Variants in RNF31 observed in about 807,000 individuals in gnomAD.
RNF31 encodes ring finger protein 31.
RNF31 carries 38 observed loss-of-function variants against 133.6 expected under a neutral mutation model. That is an observed-to-expected ratio of 0.28 (90% CI 0.22 to 0.37). The LOEUF is 0.37. RNF31 is among the 10% of genes least tolerant of loss of function. The pLI, the probability that RNF31 is intolerant of heterozygous loss-of-function variation, is 1.00. For missense variants in RNF31, 1,118 were observed against 1,394.1 expected (o/e 0.80, Z 3.15); for synonymous variants, 582 against 552.3 (o/e 1.05, Z -0.75).
chr14:24,149,460 G>T lies in RNF31; in HGVS notation c.686G>T (p.Cys229Phe). ...GGTTCTGCCCCAGGCACACTGCACT[G>T]CCCATCCTGTAAACAGGCCCTGTGT... The part of the protein sequence containing the change: ...LCGSAPGTLH[C>F]PSCKQALCPA... Residue 229 changes from cysteine to phenylalanine, a missense_variant, in exon 6 of 21, where the codon TGC becomes TTC. Physicochemically the swap from Cys to Phe is radical, Grantham distance 205. Around this residue, in one of 3 missense-constraint regions of RNF31, gnomAD observed 747 missense variants for 827.9 expected, o/e 0.90. Coordinates refer to ENST00000324103, the MANE Select transcript of RNF31 (RefSeq NM_017999.5). 6.2e-7 allele frequency: 1 copy of T among 1,614,134 alleles called. No individual in the cohort carries two copies.
chr14:24,147,980 G>A lies in RNF31; in HGVS notation c.197G>A (p.Arg66Gln), dbSNP rs2038196999. The A allele has an allele frequency of 1.2e-6, 2 of 1,613,922 alleles. No individual in the cohort carries two copies. The highest frequency in any genetic ancestry group is 1.7e-6 in the Non-Finnish European group (2 of 1,180,046). ...CTCTGCTCTCCTTGCTCCCAGCCCC[G>A]AAACTACCTCAACACCCTGTCCACG... ...LVRCNAHGEPRNYLNTLSTAL... is the reference protein window; with the variant it reads ...LVRCNAHGEPQNYLNTLSTAL... Residue 66 changes from arginine (R) to glutamine (Q), a missense_variant, in exon 2 of 21, where the codon CGA becomes CAA. Around this residue, in one of 3 missense-constraint regions of RNF31, gnomAD observed 747 missense variants for 827.9 expected, o/e 0.90. Transcript: ENST00000324103.
chr14:24,148,911 AG>A, intron 5 of RNF31, 35 bp downstream of exon 5: 1 of 1,560,686 alleles, frequency 6.4e-7, no homozygotes, highest in South Asian at 1.1e-5. Context: ...CCAGGTAGGA[AG>A]CTATATTGAT....
intron 5 of RNF31, chr14:24,149,124 C>T (rs1173403457): frequency 2.4e-5 from 14 of 592,706 alleles, no homozygotes; most frequent in South Asian, 4.1e-5. Flanking sequence ...CCACCGCGCT[C>T]GGCTAATTTT....
chr14:24,157,488 C>T (rs2038361159), intron 15 of RNF31, 32 bp from the exon 16 acceptor site: 2 of 1,607,406 alleles, frequency 1.2e-6, no homozygotes, highest in African/African-American at 1.3e-5. Context: ...GTTGCAGCGG[C>T]AGCTCCAGCC....
In RNF31 at chr14:24,148,127, A is replaced by G. The variant is rs1442423713; in HGVS notation, c.339+5A>G. 6.2e-7 allele frequency: 1 copy of G among 1,614,048 alleles called. No homozygotes were observed. Among genetic ancestry groups the G allele is most frequent in the African/African-American group, 1.3e-5 (1 of 74,930 alleles). ...AGCACGGTGGATGCTGTGCAGGTGA[A>G]TCCCCTGGCCTTATGGGAGAGGGGG... On this transcript the variant is annotated splice_donor_5th_base_variant and intron_variant, in intron 2 of 20. Transcript: ENST00000324103.
intron 18 of RNF31, chr14:24,158,475 ATTAG>A: frequency 2.0e-6 from 1 of 511,792 alleles, no homozygotes; most frequent in South Asian, 2.6e-5. Flanking sequence ...TAATTAATTA[ATTAG>A]TTCAATGAGT....
Position 24,151,153 on chromosome 14 carries a change from G to C in RNF31, c.1511G>C (p.Cys504Ser). 6.2e-7 allele frequency: 1 copy of C among 1,614,112 alleles called. No individual in the cohort carries two copies. The highest frequency in any genetic ancestry group is 1.1e-5 in the South Asian group (1 of 91,088). The change falls in exon 9 of 21, where the codon TGT (cysteine) becomes TCT (serine). Residue 504 changes from cysteine to serine, a missense_variant. Transcript: ENST00000324103. This position sits in a 1 kb window ranked among gnomAD's most constrained non-coding sequence, Gnocchi z 5.3. The stretch of plus-strand genomic sequence containing the variant: ...TAGGAAGGGGAAGCCGCAGGTGCCT[G>C]TCCAGAGGAGATCTTCTCGGCTCTG... ...MIREGEAAGACPEEIFSALQY... is the reference protein window; with the variant it reads ...MIREGEAAGASPEEIFSALQY...
chr14:24,156,281 T>TA (rs1430695733), intron 14 of RNF31, among the ~76,000 whole-genome samples: 2 of 152,192 alleles, frequency 1.3e-5, no homozygotes, highest in Non-Finnish European at 2.9e-5. Context: ...GCAAGGGTGA[T>TA]ACTATCTCAT....
rs374941498 is a variant in RNF31, at chr14:24,155,576, G to T, written c.2404-27G>T. Reference sequence around the variant, plus strand: ...GGGGATGGTTCCAGGTCAGGCCTTTGATAACTTTATGCTCTTGCACTTCCA... The same window carrying T: ...GGGGATGGTTCCAGGTCAGGCCTTTTATAACTTTATGCTCTTGCACTTCCA... On this transcript the variant is annotated intron_variant, in intron 13 of 20. Coordinates refer to ENST00000324103, the MANE Select transcript of RNF31 (RefSeq NM_017999.5). This position sits in a 1 kb window ranked among gnomAD's most constrained non-coding sequence, Gnocchi z 4.9. The T allele has an allele frequency of 9.9e-5, 160 of 1,614,020 alleles. No homozygotes were observed. The African/African-American group carries it at 1.9e-3, about 20-fold the overall frequency.
Position 24,147,724 on chromosome 14 carries a change from C to G in RNF31, c.26C>G (p.Ala9Gly). The G allele has an allele frequency of 1.9e-6, 3 of 1,543,624 alleles. No homozygotes were observed. Among genetic ancestry groups the G allele is most frequent in the Non-Finnish European group, 1.7e-6 (2 of 1,150,376 alleles). The part of the protein sequence containing the change: MPGEEEER[A>G]FLVAREELAS... ...ATGCCGGGGGAGGAAGAGGAGCGGG[C>G]CTTCCTGGTGGCCCGCGAGGAGCTG... Residue 9 changes from alanine (A) to glycine (G), a missense_variant, in exon 1 of 21, where the codon GCC becomes GGC. Coordinates refer to ENST00000324103, the MANE Select transcript of RNF31 (RefSeq NM_017999.5).
chr14:24,148,241 G>GT lies in RNF31; in HGVS notation c.340-14dup. ...CAGGAAACCTCCTGGGTGGTGACTC[G>GT]TTTGAATGTGTGGCAGGGGGGCCGA... On this transcript the variant is annotated splice_polypyrimidine_tract_variant and intron_variant, in intron 2 of 20. Coordinates refer to ENST00000324103, the MANE Select transcript of RNF31 (RefSeq NM_017999.5). 6.2e-7 allele frequency: 1 copy of GT among 1,614,114 alleles called. No individual in the cohort carries two copies. Among genetic ancestry groups the GT allele is most frequent in the Non-Finnish European group, 8.5e-7 (1 of 1,180,026 alleles).
rs1312957009 is a variant in RNF31 at position 24,160,150 on chromosome 14, C to T, written c.2997-89C>T. 13 of 1,469,812 alleles carry T rather than the reference C, an allele frequency of 8.8e-6. No individual in the cohort carries two copies. Among genetic ancestry groups the T allele is most frequent in the Admixed American group, 3.7e-5 (2 of 54,632 alleles). The allele number at this position is 1,469,812 out of a possible 1,614,324, so 91.0% of individuals were successfully genotyped here. On this transcript the variant is annotated intron_variant, in intron 19 of 20. Transcript: ENST00000324103. The surrounding 1 kb of genome is among the most constrained non-coding windows in gnomAD (Gnocchi z 4.0). ...GCACAGGTGGGTTGTTAATCTTGTT[C>T]GTCCAGGTGTCTCAGAGTCCAGCTA...
chr14:24,155,821 A>G lies in RNF31; in HGVS notation c.2493+129A>G, dbSNP rs2038333983. Reference sequence around the variant, plus strand: ...CTGAGGTCAAAAGAGCTTACAGACTACTCAGAAAGACTAGGCACAAGGAGA... The same window carrying G: ...CTGAGGTCAAAAGAGCTTACAGACTGCTCAGAAAGACTAGGCACAAGGAGA... On this transcript the variant is annotated intron_variant, in intron 14 of 20. Transcript: ENST00000324103. The surrounding 1 kb of genome is among the most constrained non-coding windows in gnomAD (Gnocchi z 4.9). The G allele has an allele frequency of 2.7e-6, 2 of 727,958 alleles. No homozygotes were observed. Among genetic ancestry groups the G allele is most frequent in the Non-Finnish European group, 4.7e-6 (2 of 424,122 alleles). The allele number at this position is 727,958 out of a possible 1,614,324, so 45.1% of individuals were successfully genotyped here.
chr14:24,147,636 G>C lies in RNF31; in HGVS notation c.-63G>C, dbSNP rs1020755181. 7.4e-7 allele frequency: 1 copy of C among 1,342,472 alleles called. No homozygotes were observed. The highest frequency in any genetic ancestry group is 1.5e-5 in the African/African-American group (1 of 64,528). The allele number at this position is 1,342,472 out of a possible 1,614,324, so 83.2% of individuals were successfully genotyped here. A position where few individuals can be genotyped will look rare whatever the true frequency, so the allele number is the denominator to read the frequency against. ...ACCAGACGGGAGGGGCGGCGCTCGG[G>C]CCGCGCGCTGCCCGCGCCGGGTCCT... is the stretch of plus-strand genomic sequence containing the variant. On this transcript the variant is annotated 5_prime_UTR_variant, in exon 1 of 21. Transcript: ENST00000324103.
At chr14:24,152,045 C>A (rs2038274929) in intron 11 of RNF31, 53 bp downstream of exon 11, 5 of 1,510,832 alleles carry the variant, frequency 3.3e-6, no homozygotes, top group East Asian at 4.7e-5. Flanking sequence ...TCTTTTGGAC[C>A]CCCATCCTAC....
Position 24,160,141 on chromosome 14 carries a change from A to G in RNF31, c.2997-98A>G. The G allele has an allele frequency of 6.9e-7, 1 of 1,451,772 alleles. No homozygotes were observed. Among genetic ancestry groups the G allele is most frequent in the Non-Finnish European group, 9.4e-7 (1 of 1,067,338 alleles). The allele number at this position is 1,451,772 out of a possible 1,614,324, so 89.9% of individuals were successfully genotyped here. On this transcript the variant is annotated intron_variant, in intron 19 of 20. Coordinates refer to ENST00000324103, the MANE Select transcript of RNF31 (RefSeq NM_017999.5). This position sits in a 1 kb window ranked among gnomAD's most constrained non-coding sequence, Gnocchi z 4.0. ...GCAGTGTGGGCACAGGTGGGTTGTT[A>G]ATCTTGTTCGTCCAGGTGTCTCAGA...
rs1430174047 is a variant in RNF31 at position 24,151,841 on chromosome 14, A to G, written c.1979A>G (p.Glu660Gly). Reference protein sequence around the residue: ...VYALPSWGRAELALSLLQETP... With the variant: ...VYALPSWGRAGLALSLLQETP... Reference sequence around the variant, plus strand: ...GCACTCCCCAGCTGGGGCCGGGCAGAGCTGGCACTGTCACTGCTGCAGGAG... The same window carrying G: ...GCACTCCCCAGCTGGGGCCGGGCAGGGCTGGCACTGTCACTGCTGCAGGAG... Residue 660 changes from glutamate to glycine, a missense_variant, in exon 11 of 21, where the codon GAG becomes GGG. Glu to Gly is a moderately conservative substitution (Grantham distance 98). This residue lies in a region of RNF31 where 201 missense variants were observed against 371.7 expected (regional missense o/e 0.54). Transcript: ENST00000324103. This position sits in a 1 kb window ranked among gnomAD's most constrained non-coding sequence, Gnocchi z 5.3. 3.1e-6 allele frequency: 5 copies of G among 1,613,916 alleles called. No homozygotes were observed. Among genetic ancestry groups the G allele is most frequent in the Non-Finnish European group, 4.2e-6 (5 of 1,179,978 alleles).
At chr14:24,158,251 A>G (rs748509805) in intron 18 of RNF31, 52 bp downstream of exon 18, 1 of 1,554,530 alleles carries the variant, frequency 6.4e-7, no homozygotes, top group Non-Finnish European at 8.9e-7. Context: ...CTGGGCTCCC[A>G]CCGTGTGATG....
At position 24,160,205 on chromosome 14, in the gene RNF31, A is replaced by G. The variant is rs372109243; in HGVS notation, c.2997-34A>G. ...AGACACACTCAGTTAATATTAGCCAACACAACAAATATTCTGCTCCCTTTT... is the reference window on the plus strand; with the variant it reads ...AGACACACTCAGTTAATATTAGCCAGCACAACAAATATTCTGCTCCCTTTT... On this transcript the variant is annotated intron_variant, in intron 19 of 20. Coordinates refer to ENST00000324103, the MANE Select transcript of RNF31 (RefSeq NM_017999.5). This position sits in a 1 kb window ranked among gnomAD's most constrained non-coding sequence, Gnocchi z 4.0. 4.4e-6 allele frequency: 7 copies of G among 1,593,252 alleles called. No homozygotes were observed. Among genetic ancestry groups the G allele is most frequent in the Non-Finnish European group, 3.4e-6 (4 of 1,169,492 alleles).
Sources: gnomAD v4.1 joint callset for allele counts (sites outside exome capture counted in the v4.1 genomes callset) on GRCh38, gnomAD v4.1.1 for gene constraint, gnomAD v4.1.1 regional missense constraint, Gnocchi (gnomAD v3.1) non-coding constraint, MANE v1.5 for transcripts, NCBI Gene and HGNC (gene_info 2026-07-23, HGNC 2026-07-21) for gene names.